Variants in FTO observed in about 807,000 individuals in gnomAD.
FTO encodes alpha-ketoglutarate-dependent dioxygenase FTO.
In FTO, 47 loss-of-function variants were observed where a neutral mutation model predicts 63.9. That is an observed-to-expected ratio of 0.74 (90% CI 0.58 to 0.94). The LOEUF is 0.94. Among genes scored for constraint, FTO ranks in the 40% least tolerant of loss-of-function variants. The pLI, the probability that FTO is intolerant of heterozygous loss-of-function variation, is 0.00. For synonymous variants in FTO, 207 were observed against 224.4 expected, an observed-to-expected ratio of 0.92 and a Z score of 0.69; for missense variants, 562 against 618.1, an observed-to-expected ratio of 0.91 and a Z score of 0.96.
intron 7 of FTO, among the ~76,000 whole-genome samples, chr16:53,897,370 A>T (rs1033000567): frequency 6.6e-6 from 1 of 152,128 alleles, no homozygotes. Context: ...TTAGCTTTCA[A>T]CTAAAAATCT....
intron 1 of FTO, among the ~76,000 whole-genome samples, chr16:53,756,805 C>A (rs2076934073): frequency 6.6e-6 from 1 of 152,122 alleles, no homozygotes; most frequent in African/African-American, 2.4e-5. Flanking sequence ...GAGTAGAAGT[C>A]CATTCAGCTG....
At chr16:53,896,783 C>T (rs757309197) in intron 7 of FTO, among the ~76,000 whole-genome samples, 1 of 152,168 alleles carries the variant, frequency 6.6e-6, no homozygotes. Context: ...AATTTTCCTT[C>T]CTCTGGAGCT....
intron 8 of FTO, among the ~76,000 whole-genome samples, chr16:54,048,197 C>G (rs1453642836): frequency 8.2e-6 from 1 of 122,466 alleles, no homozygotes; most frequent in Non-Finnish European, 1.7e-5. Context: ...CTAACAAAGA[C>G]TTCTGCTGTT....
At chr16:53,868,117 G>A (rs1355346382) in intron 4 of FTO, among the ~76,000 whole-genome samples, 1 of 152,010 alleles carries the variant, frequency 6.6e-6, no homozygotes, top group East Asian at 1.9e-4. Flanking sequence ...GATAGCATAT[G>A]CCTTGTTTTT....
intron 1 of FTO, among the ~76,000 whole-genome samples, chr16:53,757,162 T>C (rs990942091): frequency 1.3e-5 from 2 of 152,216 alleles, no homozygotes; most frequent in African/African-American, 4.8e-5. Context: ...TTGACATGTA[T>C]ACATTGTAGA....
chr16:54,107,992 C>G (rs552326172), intron 8 of FTO, among the ~76,000 whole-genome samples: 2 of 152,150 alleles, frequency 1.3e-5, no homozygotes, highest in African/African-American at 4.8e-5. Flanking sequence ...GATGTACTGA[C>G]GTAGCTTAAG....
At chr16:53,966,214 T>C (rs2083194621) in intron 8 of FTO, among the ~76,000 whole-genome samples, 1 of 152,198 alleles carries the variant, frequency 6.6e-6, no homozygotes, top group Admixed American at 6.5e-5. Flanking sequence ...CTTTGCAAAT[T>C]GTGTTTATAA....
At chr16:54,034,062 C>G (rs2084890332) in intron 8 of FTO, 1 of 152,160 alleles carries the variant, frequency 6.6e-6, no homozygotes, top group Admixed American at 6.5e-5. Flanking sequence ...CCCACTGTCA[C>G]TTCGGGAAAG....
At chr16:53,718,551 G>A (rs1213480205) in intron 1 of FTO, among the ~76,000 whole-genome samples, 2 of 151,794 alleles carry the variant, frequency 1.3e-5, no homozygotes, top group Non-Finnish European at 2.9e-5. Context: ...AGAACCTCCA[G>A]TTGGTAGTGG....
At chr16:53,741,336 G>T (rs1289471646) in intron 1 of FTO, among the ~76,000 whole-genome samples, 1 of 152,128 alleles carries the variant, frequency 6.6e-6, no homozygotes, top group Non-Finnish European at 1.5e-5. Flanking sequence ...AAACAATGAG[G>T]TTATTCTATG....
intron 3 of FTO, among the ~76,000 whole-genome samples, chr16:53,831,365 A>T (rs1490942447): frequency 1.3e-5 from 2 of 152,146 alleles, no homozygotes; most frequent in Non-Finnish European, 2.9e-5. Flanking sequence ...TGGTCTTATA[A>T]GTCACATTTT....
chr16:53,720,631 T>C (rs897301478), intron 1 of FTO, among the ~76,000 whole-genome samples: 3 of 145,382 alleles, frequency 2.1e-5, no homozygotes, highest in African/African-American at 7.7e-5. Flanking sequence ...TATATATCTT[T>C]TATATATATA....
At chr16:54,014,857 T>C (rs368723822) in intron 8 of FTO, among the ~76,000 whole-genome samples, 13,632 of 128,262 alleles carry the variant, frequency 0.11, 582 homozygotes, top group African/African-American at 0.21. Flanking sequence ...TCTCTTTTTT[T>C]TTTTTTTTTT....
chr16:53,748,788 G>T (rs2076710245), intron 1 of FTO, among the ~76,000 whole-genome samples: 1 of 151,720 alleles, frequency 6.6e-6, no homozygotes, highest in African/African-American at 2.4e-5. Context: ...TTTTGAAACG[G>T]ATTCTTGCTC....
intron 8 of FTO, among the ~76,000 whole-genome samples, chr16:54,056,874 G>A (rs909297168): frequency 2.6e-5 from 4 of 152,136 alleles, no homozygotes; most frequent in Admixed American, 2.6e-4. Context: ...TTTGTTACCC[G>A]GCATTAGGTA....
intron 8 of FTO, among the ~76,000 whole-genome samples, chr16:54,077,395 A>G (rs2086025435): frequency 1.3e-5 from 2 of 152,050 alleles, no homozygotes; most frequent in Admixed American, 6.6e-5. Flanking sequence ...GCATGGTTAT[A>G]TTTTTTAGCT....
chr16:54,024,689 G>A (rs1248546651), intron 8 of FTO, among the ~76,000 whole-genome samples: 3 of 152,036 alleles, frequency 2.0e-5, no homozygotes, highest in Non-Finnish European at 4.4e-5. Context: ...CTGAATAAAG[G>A]GAATAATAGC....
intron 8 of FTO, among the ~76,000 whole-genome samples, chr16:53,972,042 C>T (rs989269774): frequency 1.3e-4 from 20 of 152,036 alleles, no homozygotes; most frequent in African/African-American, 4.6e-4. Flanking sequence ...TTTCATGTAG[C>T]ATGGTCTAAT....
At chr16:53,904,684 C>A (rs34338930) in intron 7 of FTO, among the ~76,000 whole-genome samples, 2 of 152,100 alleles carry the variant, frequency 1.3e-5, no homozygotes, top group Non-Finnish European at 2.9e-5. Flanking sequence ...GCTCCCCATC[C>A]CTGGAAACAT....
Sources: gnomAD v4.1 joint callset for allele counts (sites outside exome capture counted in the v4.1 genomes callset) on GRCh38, gnomAD v4.1.1 for gene constraint, MANE v1.5 for transcripts, NCBI Gene and HGNC (gene_info 2026-07-23, HGNC 2026-07-21) for gene names.